The following GALNT13 variants were observed in gnomAD, a reference collection of about 807,000 sequenced individuals.
GALNT13 encodes the protein UDP-GalNAc:polypeptide N-acetylgalactosaminyltransferase 13.
GALNT13 carries 28 observed loss-of-function variants against 64.2 expected under a neutral mutation model. That is an observed-to-expected ratio of 0.44 (90% CI 0.32 to 0.60). The LOEUF (loss-of-function observed/expected upper bound fraction) is 0.60. Among genes scored for constraint, GALNT13 ranks in the 20% least tolerant of loss-of-function variants. The probability of loss-of-function intolerance (pLI) is 0.05; values close to 1 mark genes in which losing one functional copy is unlikely to be tolerated. For synonymous variants in GALNT13, 214 were observed against 224.6 expected (o/e 0.95, Z 0.42); for missense variants, 577 against 669.8 (o/e 0.86, Z 1.53).
the GALNT13 span, among the ~76,000 whole-genome samples, chr2:153,850,296 C>A: frequency 6.6e-6 from 1 of 152,110 alleles, no homozygotes; most frequent in African/African-American, 2.4e-5. Flanking sequence ...TACCAGTAAA[C>A]ACTGGATAGA....
At chr2:154,139,621 A>AACACAC (rs59526662) in intron 3 of GALNT13, among the ~76,000 whole-genome samples, 12,850 of 147,420 alleles carry the variant, frequency 0.087, 585 homozygotes, top group Non-Finnish European at 0.098. Flanking sequence ...ATGTGTAGGC[A>AACACAC]ACACACACAC....
intron 4 of GALNT13, among the ~76,000 whole-genome samples, chr2:154,148,624 G>A (rs536017365): frequency 6.6e-6 from 1 of 152,086 alleles, no homozygotes; most frequent in Non-Finnish European, 1.5e-5. Context: ...CATTCTAACT[G>A]GTGTGAGATG....
At chr2:153,723,709 T>A in the GALNT13 span, among the ~76,000 whole-genome samples, 1 of 151,922 alleles carries the variant, frequency 6.6e-6, no homozygotes, top group Non-Finnish European at 1.5e-5. Flanking sequence ...TCACAATTGC[T>A]TCAAAGGGAA....
intron 1 of GALNT13, among the ~76,000 whole-genome samples, chr2:153,885,142 G>A (rs1328685066): frequency 1.3e-5 from 2 of 151,814 alleles, no homozygotes; most frequent in Non-Finnish European, 2.9e-5. Context: ...TGTTTATTTT[G>A]TGAAGATAGG....
the GALNT13 span, among the ~76,000 whole-genome samples, chr2:153,332,545 T>G: frequency 1.3e-5 from 2 of 151,664 alleles, no homozygotes; most frequent in Admixed American, 1.3e-4. Context: ...TTTTTTTTTT[T>G]TTTTCTTTTC....
chr2:153,262,356 T>C, the GALNT13 span, among the ~76,000 whole-genome samples: 1 of 152,136 alleles, frequency 6.6e-6, no homozygotes, highest in East Asian at 1.9e-4. Context: ...TTTAAAACTG[T>C]CCTCTGGGAC....
the GALNT13 span, among the ~76,000 whole-genome samples, chr2:153,141,055 A>G: frequency 7.6e-6 from 1 of 131,366 alleles, no homozygotes; most frequent in Non-Finnish European, 1.7e-5. Flanking sequence ...AAAGAGAACC[A>G]TTAATCTTTC....
chr2:153,515,914 C>G, the GALNT13 span, among the ~76,000 whole-genome samples: 14 of 152,124 alleles, frequency 9.2e-5, no homozygotes, highest in Non-Finnish European at 1.8e-4. Flanking sequence ...GGTGCCAGCT[C>G]CACTATGGCT....
chr2:153,138,397 A>G, the GALNT13 span, among the ~76,000 whole-genome samples: 1 of 152,078 alleles, frequency 6.6e-6, no homozygotes. Context: ...GGGCTTGCAG[A>G]ATTGTGGGGG....
At chr2:154,410,048 A>C (rs913722993) in intron 11 of GALNT13, among the ~76,000 whole-genome samples, 2 of 151,944 alleles carry the variant, frequency 1.3e-5, no homozygotes, top group Non-Finnish European at 2.9e-5. Context: ...AATCCTAATT[A>C]GTGTTCCAAA....
chr2:153,305,627 T>C, the GALNT13 span, among the ~76,000 whole-genome samples: 1 of 152,090 alleles, frequency 6.6e-6, no homozygotes, highest in African/African-American at 2.4e-5. Context: ...GGATAGACCT[T>C]ACAGTTTGGA....
Position 154,124,423 on chromosome 2 carries a change from G to A in GALNT13, c.143-15914G>A, listed in dbSNP as rs77682717. Among the ~76,000 whole-genome samples, 8 of 151,984 alleles carry A rather than the reference G, an allele frequency of 5.3e-5. No homozygotes were observed. The South Asian group carries it at 6.2e-4, about 12-fold the overall frequency. Reference sequence around the variant, plus strand: ...GTTTTATATTTTGTTATAGATCTGCGTACAACAAATAATATTGCAAATAAA... The same window carrying A: ...GTTTTATATTTTGTTATAGATCTGCATACAACAAATAATATTGCAAATAAA... On this transcript the variant is annotated intron_variant, in intron 3 of 12. Transcript: ENST00000392825.
intron 3 of GALNT13, among the ~76,000 whole-genome samples, chr2:154,121,020 C>T (rs1033823969): frequency 6.6e-6 from 1 of 152,174 alleles, no homozygotes; most frequent in Admixed American, 6.5e-5. Flanking sequence ...AGCTGGATGA[C>T]TGCCTGTCAT....
At chr2:153,492,592 C>G in the GALNT13 span, among the ~76,000 whole-genome samples, 2 of 152,134 alleles carry the variant, frequency 1.3e-5, no homozygotes, top group East Asian at 3.9e-4. Context: ...GAATAGAAAA[C>G]AATTTGAGCA....
the GALNT13 span, among the ~76,000 whole-genome samples, chr2:153,818,490 G>A: frequency 2.6e-5 from 4 of 152,192 alleles, no homozygotes; most frequent in Admixed American, 2.0e-4. Context: ...GAAGTGCCCA[G>A]ACAGCAGACT....
chr2:154,386,818 G>A (rs1574212280), intron 9 of GALNT13, among the ~76,000 whole-genome samples: 1 of 152,020 alleles, frequency 6.6e-6, no homozygotes, highest in East Asian at 1.9e-4. Context: ...CTTGGACCAA[G>A]CATTTGAATA....
Position 154,396,134 on chromosome 2 carries a change from T to C in GALNT13, c.1296+4T>C, listed in dbSNP as rs748854591. ...ACGTTATTACTCACTTGGTGAGGTATGAATTATTTATTTTGGTTAAGTTAT... is the reference window on the plus strand; with the variant it reads ...ACGTTATTACTCACTTGGTGAGGTACGAATTATTTATTTTGGTTAAGTTAT... On this transcript the variant is annotated splice_donor_region_variant and intron_variant, in intron 10 of 12. Transcript: ENST00000392825. The C allele has an allele frequency of 2.5e-6, 4 of 1,575,428 alleles. No homozygotes were observed. Among genetic ancestry groups the C allele is most frequent in the Admixed American group, 4.0e-5 (2 of 50,518 alleles).
chr2:154,150,006 C>T (rs756490778), intron 4 of GALNT13, among the ~76,000 whole-genome samples: 7 of 151,986 alleles, frequency 4.6e-5, no homozygotes, highest in African/African-American at 4.8e-5. Flanking sequence ...GTCTTGTGCC[C>T]GTTTTCAAAG....
the GALNT13 span, among the ~76,000 whole-genome samples, chr2:153,576,181 A>G: frequency 6.6e-6 from 1 of 151,962 alleles, no homozygotes; most frequent in East Asian, 1.9e-4. Context: ...AAGTGGAAAG[A>G]CGGGTCCTCT....
Sources: gnomAD v4.1 joint callset for allele counts (sites outside exome capture counted in the v4.1 genomes callset) on GRCh38, gnomAD v4.1.1 for gene constraint, MANE v1.5 for transcripts, NCBI Gene and HGNC (gene_info 2026-07-23, HGNC 2026-07-21) for gene names.